FMN2: variants seen among roughly 807,000 people sequenced by gnomAD.
The protein encoded by FMN2 is formin-2.
Under a neutral mutation model 142.3 loss-of-function variants are expected in FMN2, and 51 were observed. That is an observed-to-expected ratio of 0.36 (90% confidence interval 0.29 to 0.45). FMN2 has a LOEUF of 0.45. FMN2 is among the 20% of genes least tolerant of loss of function. FMN2 has a pLI of 1.00. For missense variants in FMN2, 1,936 were observed against 2,122.8 expected (o/e 0.91, Z 1.73); for synonymous variants, 882 against 869.8 (o/e 1.01, Z -0.25).
intron 15 of FMN2, among the ~76,000 whole-genome samples, chr1:240,421,408 T>C (rs1674758846): frequency 6.6e-6 from 1 of 152,318 alleles, no homozygotes; most frequent in East Asian, 1.9e-4. Flanking sequence ...CTAATTTTTA[T>C]TGCCACCATT....
At chr1:240,468,421 A>G (rs1393023166) in intron 16 of FMN2, among the ~76,000 whole-genome samples, 2 of 150,404 alleles carry the variant, frequency 1.3e-5, no homozygotes, top group South Asian at 4.2e-4. Flanking sequence ...TTAGAAGTTA[A>G]ACTCAAGTGC....
chr1:240,142,513 G>T (rs1159192300), intron 2 of FMN2, among the ~76,000 whole-genome samples: 1 of 40,866 alleles, frequency 2.4e-5, no homozygotes, highest in Admixed American at 2.3e-4. Context: ...TTTGGGGGGG[G>T]ATAAAGGTCT....
chr1:240,103,938 G>C (rs1366987844), intron 1 of FMN2, among the ~76,000 whole-genome samples: 1 of 151,632 alleles, frequency 6.6e-6, no homozygotes, highest in Non-Finnish European at 1.5e-5. Context: ...GTGCAGTGGT[G>C]CGATCTCGGC....
intron 8 of FMN2, among the ~76,000 whole-genome samples, chr1:240,295,194 A>ACACACACACG (rs1669927890): frequency 2.2e-5 from 1 of 46,196 alleles, no homozygotes; most frequent in Non-Finnish European, 4.1e-5. Context: ...CTTCATACAC[A>ACACACACACG]CACACACACA....
At chr1:240,426,644 C>T (rs769793899) in intron 15 of FMN2, among the ~76,000 whole-genome samples, 3 of 152,108 alleles carry the variant, frequency 2.0e-5, no homozygotes, top group Non-Finnish European at 4.4e-5. Flanking sequence ...TACCCGCTTG[C>T]CTCCTCCCAT....
In FMN2 at chr1:240,378,945, C is replaced by T. The variant is rs1673138291; in HGVS notation, c.4859-13566C>T. 1.3e-5 allele frequency among the ~76,000 whole-genome samples: 2 copies of T among 152,232 alleles called. 1 individual carries two copies. The highest frequency in any genetic ancestry group is 4.1e-4 in the South Asian group (2 of 4,820). ...TCTCCTGTCATTCCTGGGTCTGTGT[C>T]TATTGACTTAAAGAATGTGATTGCG... On this transcript the variant is annotated intron_variant, in intron 14 of 17. Transcript: ENST00000319653.
chr1:240,387,312 A>G lies in FMN2; in HGVS notation c.4859-5199A>G, dbSNP rs76593507. 1.2e-3 allele frequency among the ~76,000 whole-genome samples: 188 copies of G among 152,362 alleles called. 3 individuals are homozygous for G. In the East Asian group the frequency reaches 0.024, roughly 19 times the overall value. On this transcript the variant is annotated intron_variant, in intron 14 of 17. Coordinates refer to ENST00000319653, the MANE Select transcript of FMN2 (RefSeq NM_020066.5). ...GTGGATCTCAAACTCCAAGCTATGA[A>G]TAATTACCCACAGTATGTTTGGAAT...
chr1:240,140,079 G>A (rs897332741), intron 2 of FMN2, among the ~76,000 whole-genome samples: 2 of 152,108 alleles, frequency 1.3e-5, no homozygotes, highest in Admixed American at 6.6e-5. Context: ...CTAAGATTGC[G>A]TGAAGGTGAG....
chr1:240,293,620 G>C (rs1460965327), intron 7 of FMN2, among the ~76,000 whole-genome samples: 1 of 151,976 alleles, frequency 6.6e-6, no homozygotes, highest in Admixed American at 6.6e-5. Flanking sequence ...TAAAGTTCAC[G>C]ATATTTTTGC....
chr1:240,121,735 T>TA (rs71168898), intron 1 of FMN2, among the ~76,000 whole-genome samples: 5,598 of 25,602 alleles, frequency 0.22, 1,303 homozygotes, highest in Non-Finnish European at 0.27. Context: ...AGGGAAATAG[T>TA]AAAAAAAAAA....
intron 2 of FMN2, among the ~76,000 whole-genome samples, chr1:240,136,672 T>C (rs928673094): frequency 1.3e-5 from 2 of 152,192 alleles, no homozygotes; most frequent in Non-Finnish European, 2.9e-5. Flanking sequence ...GATTTTCTTT[T>C]CTTGTCTTTC....
chr1:240,462,265 T>A (rs1478471975), intron 16 of FMN2, among the ~76,000 whole-genome samples: 1 of 152,226 alleles, frequency 6.6e-6, no homozygotes, highest in Non-Finnish European at 1.5e-5. Context: ...CATGATTTCT[T>A]GCTGTATCCT....
At chr1:240,453,707 GGGCCGGGCGCGGTGGCT>G (rs1676133641) in intron 16 of FMN2, among the ~76,000 whole-genome samples, 2 of 77,502 alleles carry the variant, frequency 2.6e-5, no homozygotes, top group Admixed American at 1.4e-4. Context: ...GGAAGGCATA[GGGCCGGGCGCGGTGGCT>G]CACGCCTGTA....
intron 7 of FMN2, 69 bp downstream of exon 7, chr1:240,258,101 G>A (rs763574809): frequency 6.6e-6 from 8 of 1,211,896 alleles, no homozygotes; most frequent in Non-Finnish European, 9.6e-6. Context: ...ATGTTTGTTG[G>A]TAATGTTATT....
intron 15 of FMN2, among the ~76,000 whole-genome samples, chr1:240,410,401 A>G (rs183353935): frequency 3.2e-3 from 486 of 152,298 alleles, no homozygotes; most frequent in African/African-American, 0.011. Context: ...ACAATTTGCA[A>G]TAATTGAAGC....
chr1:240,111,247 G>A (rs1661798160), intron 1 of FMN2, among the ~76,000 whole-genome samples: 1 of 152,132 alleles, frequency 6.6e-6, no homozygotes, highest in Non-Finnish European at 1.5e-5. Context: ...CATAATGGAG[G>A]CATCAGTGTT....
At chr1:240,182,535 C>T (rs760454222) in intron 3 of FMN2, among the ~76,000 whole-genome samples, 29 of 152,168 alleles carry the variant, frequency 1.9e-4, no homozygotes, top group Non-Finnish European at 5.9e-5. Context: ...TGCAGTTGTG[C>T]ACTGGCTGAA....
chr1:240,367,508 G>A (rs1402024191), intron 14 of FMN2, among the ~76,000 whole-genome samples: 1 of 151,832 alleles, frequency 6.6e-6, no homozygotes, highest in African/African-American at 2.4e-5. Context: ...AGTGGCTCAC[G>A]CCTGTAATCC....
Position 240,373,003 on chromosome 1 carries a change from G to A in FMN2, c.4858+17095G>A, listed in dbSNP as rs138018149. On this transcript the variant is annotated intron_variant, in intron 14 of 17. Transcript: ENST00000319653. ...TATACGAGACCAGCCTGACCAACAC[G>A]GTGAAACCTCACCTCTACTAAAAAC... Among the ~76,000 whole-genome samples, 463 of 152,230 alleles carry A rather than the reference G, an allele frequency of 3.0e-3. 6 individuals carry two copies. The highest frequency in any genetic ancestry group is 0.02 in the East Asian group (101 of 5,170).
Sources: allele counts gnomAD v4.1 joint callset (sites outside exome capture counted in the v4.1 genomes callset), GRCh38; gene constraint gnomAD v4.1.1; transcripts MANE v1.5; gene names NCBI Gene and HGNC (gene_info 2026-07-23, HGNC 2026-07-21).